CDHR3: variants seen among roughly 807,000 people sequenced by gnomAD.
CDHR3 encodes the protein cadherin-related family member 3.
Under a neutral mutation model 86.6 loss-of-function variants are expected in CDHR3, and 79 were observed. The ratio of observed to expected loss-of-function variants is 0.91; its 90% CI spans 0.76 to 1.10. The LOEUF is 1.10. Among genes scored for constraint, CDHR3 ranks in the 50% least tolerant of loss-of-function variants. The pLI is 0.00. For synonymous variants in CDHR3, 421 were observed against 402.4 expected (o/e 1.05, Z -0.55); for missense variants, 1,081 against 1,077.6 (o/e 1.00, Z -0.04).
intron 5 of CDHR3, among the ~76,000 whole-genome samples, chr7:105,995,155 G>T (rs1225630785): frequency 2.0e-5 from 3 of 152,168 alleles, no homozygotes; most frequent in African/African-American, 7.2e-5. Context: ...CTTTCCATAA[G>T]GTCAGGTTTT....
intron 14 of CDHR3, among the ~76,000 whole-genome samples, chr7:106,023,851 C>G (rs1380730506): frequency 6.6e-6 from 1 of 152,202 alleles, no homozygotes; most frequent in African/African-American, 2.4e-5. Context: ...ATTGTGACAT[C>G]TCCAATCCTG....
rs1248107177 is a variant in CDHR3, at chr7:105,980,608, T to A, written c.250-360T>A. On this transcript the variant is annotated intron_variant, in intron 2 of 18. Transcript: ENST00000317716. ...AGGTTTTTTTTTTTTTTTTTTTTAATTTTTTTTTTTTTTAATTTTTTTTTT... is the reference window on the plus strand; with the variant it reads ...AGGTTTTTTTTTTTTTTTTTTTTAAATTTTTTTTTTTTTAATTTTTTTTTT... 4.6e-4 allele frequency among the ~76,000 whole-genome samples: 14 copies of A among 30,768 alleles called. 1 individual carries two copies. The highest frequency in any genetic ancestry group is 6.3e-4 in the African/African-American group (5 of 7,896). The allele number at this position is 30,768 out of a possible 152,430, so 20.2% of individuals were successfully genotyped here.
At chr7:106,028,409 A>T (rs1307243810) in intron 16 of CDHR3, 142 bp from the exon 17 acceptor site, 2 of 894,868 alleles carry the variant, frequency 2.2e-6, no homozygotes, top group Non-Finnish European at 3.6e-6. Flanking sequence ...CAAGAAACAT[A>T]TCTATAGACA....
intron 6 of CDHR3, among the ~76,000 whole-genome samples, chr7:105,997,700 G>A (rs1832468042): frequency 6.6e-6 from 1 of 152,110 alleles, no homozygotes; most frequent in African/African-American, 2.4e-5. Flanking sequence ...AAGGTTAATG[G>A]GGTTTCAAAG....
At chr7:105,989,160 A>G (rs1830963411) in intron 4 of CDHR3, among the ~76,000 whole-genome samples, 2 of 151,972 alleles carry the variant, frequency 1.3e-5, no homozygotes. Context: ...GAACATAGAG[A>G]AGGATGATCT....
chr7:105,987,607 A>C (rs377622165), intron 4 of CDHR3, among the ~76,000 whole-genome samples: 1 of 152,118 alleles, frequency 6.6e-6, no homozygotes. Flanking sequence ...AATTGAAACC[A>C]CTGGGGGAGC....
chr7:105,981,115 C>G lies in CDHR3; in HGVS notation c.397C>G (p.Gln133Glu), dbSNP rs1309301777. 6.2e-7 allele frequency: 1 copy of G among 1,613,528 alleles called. No individual in the cohort carries two copies. Among genetic ancestry groups the G allele is most frequent in the East Asian group, 2.2e-5 (1 of 44,872 alleles). Reference protein sequence around the residue: ...VTDVNEPPQFQGNLAEGLHLY... With the variant: ...VTDVNEPPQFEGNLAEGLHLY... ...AGATGTGAACGAGCCACCTCAGTTT[C>G]AAGGCAACTTGGCAGAAGGTAGGAT... The change falls in exon 3 of 19, where the codon CAA (glutamine) becomes GAA (glutamate). Residue 133 changes from glutamine (Q) to glutamate (E), a missense_variant. Transcript: ENST00000317716.
chr7:106,027,996 G>A (rs947449556), intron 16 of CDHR3, among the ~76,000 whole-genome samples: 3 of 151,962 alleles, frequency 2.0e-5, no homozygotes, highest in Non-Finnish European at 2.9e-5. Flanking sequence ...GTGTGGTAGT[G>A]TACGCCTGTA....
intron 1 of CDHR3, among the ~76,000 whole-genome samples, chr7:105,965,310 A>G (rs903497709): frequency 6.6e-6 from 1 of 152,126 alleles, no homozygotes; most frequent in Non-Finnish European, 1.5e-5. Context: ...AAATAAAGTA[A>G]CATACAGTAA....
intron 17 of CDHR3, among the ~76,000 whole-genome samples, chr7:106,029,917 T>C (rs1444179704): frequency 6.6e-6 from 1 of 152,210 alleles, no homozygotes; most frequent in Non-Finnish European, 1.5e-5. Context: ...AATTAGTCTA[T>C]TAAATAAATA....
At position 106,035,522 on chromosome 7, in the gene CDHR3, C is replaced by T. The variant is rs890960050; in HGVS notation, c.*2825C>T. Among the ~76,000 whole-genome samples, 1 of 152,086 alleles carries T rather than the reference C, an allele frequency of 6.6e-6. No individual in the cohort carries two copies. Among genetic ancestry groups the T allele is most frequent in the Non-Finnish European group, 1.5e-5 (1 of 68,018 alleles). On this transcript the variant is annotated 3_prime_UTR_variant, in exon 19 of 19. Coordinates refer to ENST00000317716, the MANE Select transcript of CDHR3 (RefSeq NM_152750.5). The stretch of plus-strand genomic sequence containing the variant: ...GCAAAGCAGAGAAAGAATGAGGCAA[C>T]GAAAGAATGAAAGCAGGGATTTATT...
At chr7:106,027,677 G>T (rs1187372341) in intron 16 of CDHR3, 2 of 454,326 alleles carry the variant, frequency 4.4e-6, no homozygotes, top group Non-Finnish European at 4.4e-6. Context: ...AAAAAAGTTT[G>T]CTTTAATCAC....
At chr7:105,996,419 C>T (rs1341990746) in intron 6 of CDHR3, 65 bp downstream of exon 6, 2 of 845,520 alleles carry the variant, frequency 2.4e-6, no homozygotes, top group South Asian at 1.5e-5. Flanking sequence ...GGCCTCGTCT[C>T]CTCCGGCACA....
intron 4 of CDHR3, among the ~76,000 whole-genome samples, chr7:105,987,531 G>A (rs6963036): frequency 6.6e-6 from 1 of 152,034 alleles, no homozygotes; most frequent in African/African-American, 2.4e-5. Flanking sequence ...CGTTAGGTTC[G>A]TAAAAGTAGA....
chr7:105,966,431 C>T (rs1339400480), intron 1 of CDHR3, among the ~76,000 whole-genome samples: 1 of 152,210 alleles, frequency 6.6e-6, no homozygotes, highest in Non-Finnish European at 1.5e-5. Context: ...TTCTTCAGCC[C>T]ATCATCTGTG....
intron 18 of CDHR3, among the ~76,000 whole-genome samples, chr7:106,032,101 C>T (rs1838461770): frequency 6.6e-6 from 1 of 152,212 alleles, no homozygotes; most frequent in South Asian, 2.1e-4. Context: ...TCAAGAGTTA[C>T]ATGGCCTTCT....
At chr7:106,017,599 A>G (rs1440521255) in intron 11 of CDHR3, among the ~76,000 whole-genome samples, 1 of 151,718 alleles carries the variant, frequency 6.6e-6, no homozygotes, top group Non-Finnish European at 1.5e-5. Flanking sequence ...ACACACACAC[A>G]CACACACACA....
chr7:106,006,653 A>T (rs1454859478), intron 8 of CDHR3, among the ~76,000 whole-genome samples: 4 of 152,188 alleles, frequency 2.6e-5, no homozygotes, highest in Non-Finnish European at 5.9e-5. Context: ...CTCATGCAAG[A>T]GGTGGGTTCC....
rs1354931971 is a variant in CDHR3, at chr7:106,034,620, C to G, written c.*1923C>G. On this transcript the variant is annotated 3_prime_UTR_variant, in exon 19 of 19. Transcript: ENST00000317716. ...AAGAAGGCAGAACTGTTCATTTATGCAGGTTAAAGTGAGTGAAGTGGCTGA... is the reference window on the plus strand; with the variant it reads ...AAGAAGGCAGAACTGTTCATTTATGGAGGTTAAAGTGAGTGAAGTGGCTGA... 6.6e-6 allele frequency among the ~76,000 whole-genome samples: 1 copy of G among 152,218 alleles called. No homozygotes were observed. Among genetic ancestry groups the G allele is most frequent in the African/African-American group, 2.4e-5 (1 of 41,442 alleles).
Sources: gnomAD v4.1 joint callset for allele counts (sites outside exome capture counted in the v4.1 genomes callset) on GRCh38, gnomAD v4.1.1 for gene constraint, MANE v1.5 for transcripts, NCBI Gene and HGNC (gene_info 2026-07-23, HGNC 2026-07-21) for gene names.